The following ARHGAP8 variants were observed in gnomAD, a reference collection of about 807,000 sequenced individuals.
The protein encoded by ARHGAP8 is rho GTPase-activating protein 8.
A neutral mutation model predicts 46.1 loss-of-function variants in ARHGAP8; 62 were observed. The ratio of observed to expected loss-of-function variants is 1.34; its 90% CI spans 1.10 to 1.66. The LOEUF (loss-of-function observed/expected upper bound fraction) is 1.66, where lower values mean the gene tolerates loss of function less well. ARHGAP8 is among the 40% of genes most tolerant of loss of function. The pLI is 0.00. For missense variants in ARHGAP8, 923 were observed against 568.4 expected, an observed-to-expected ratio of 1.62 and a Z score of -6.34; for synonymous variants, 375 against 243.1, an observed-to-expected ratio of 1.54 and a Z score of -5.05.
chr22:44,774,933 T>A (rs132476), intron 1 of ARHGAP8, among the ~76,000 whole-genome samples: 2 of 150,850 alleles, frequency 1.3e-5, no homozygotes, highest in African/African-American at 4.9e-5. Flanking sequence ...TGGGTTCAAG[T>A]GATTCTCCTA....
In ARHGAP8 at chr22:44,862,493, G is replaced by C. The variant is rs41278891; in HGVS notation, c.1200G>C (p.Arg400Ser). 45,899 of 1,613,598 alleles carry C rather than the reference G, an allele frequency of 0.028. 760 individuals carry two copies. The highest frequency in any genetic ancestry group is 0.033 in the Non-Finnish European group (39,147 of 1,179,680). The change falls in exon 12 of 12, where the codon AGG becomes AGC. Residue 400 changes from arginine (R) to serine (S), a missense_variant. Transcript: ENST00000356099. ...HGLAPWEQGS[R>S]AAPLQEAVPR... ...TGGCACCATGGGAACAGGGGAGCAGGGCAGCCCCTTTGCAGGAGGCTGTGC... is the reference window on the plus strand; with the variant it reads ...TGGCACCATGGGAACAGGGGAGCAGCGCAGCCCCTTTGCAGGAGGCTGTGC...
chr22:44,789,839 A>G (rs964642755), intron 2 of ARHGAP8, among the ~76,000 whole-genome samples: 1 of 152,104 alleles, frequency 6.6e-6, no homozygotes, highest in Non-Finnish European at 1.5e-5. Flanking sequence ...CTTGTCTTAA[A>G]GTCCGATTTT....
At chr22:44,845,130 C>G in intron 7 of ARHGAP8, 139 bp from the exon 8 acceptor site, 1 of 979,026 alleles carries the variant, frequency 1.0e-6, no homozygotes, top group Non-Finnish European at 1.5e-6. Flanking sequence ...TTCCTGAGGG[C>G]TGAGCCTACC....
chr22:44,828,150 G>A (rs923935190), intron 7 of ARHGAP8, among the ~76,000 whole-genome samples: 1 of 152,208 alleles, frequency 6.6e-6, no homozygotes, highest in Non-Finnish European at 1.5e-5. Flanking sequence ...CATTTTGTAA[G>A]CACTTTGCCA....
intron 1 of ARHGAP8, among the ~76,000 whole-genome samples, chr22:44,778,467 G>T (rs1037720752): frequency 6.6e-6 from 1 of 152,120 alleles, no homozygotes; most frequent in East Asian, 1.9e-4. Flanking sequence ...TTGCGATTGC[G>T]AATTGTGCTG....
At chr22:44,767,348 C>T (rs132462) in intron 1 of ARHGAP8, among the ~76,000 whole-genome samples, 38,373 of 152,076 alleles carry the variant, frequency 0.25, 5,317 homozygotes, top group Non-Finnish European at 0.32. Flanking sequence ...CTCTCTCTCT[C>T]TCTTTTAGCT....
rs1390191612 is a variant in ARHGAP8 at position 44,805,276 on chromosome 22, C to T, written c.168-3031C>T. Among the ~76,000 whole-genome samples the T allele has an allele frequency of 3.9e-5, 6 of 152,128 alleles. No homozygotes were observed. In the East Asian group the frequency reaches 5.8e-4, roughly 15 times the overall value. On this transcript the variant is annotated intron_variant, in intron 3 of 11. Coordinates refer to ENST00000356099, the MANE Select transcript of ARHGAP8 (RefSeq NM_181335.3). The stretch of plus-strand genomic sequence containing the variant: ...CAAAAGTGCCTGCAAAGACAGAAAG[C>T]GAATTGGTGGTTGCCGGGTACCGGG...
At chr22:44,839,307 G>A (rs912532217) in intron 7 of ARHGAP8, among the ~76,000 whole-genome samples, 2 of 152,192 alleles carry the variant, frequency 1.3e-5, no homozygotes, top group Admixed American at 6.5e-5. Flanking sequence ...GCTGTGGATT[G>A]CTGCTCAGTG....
intron 2 of ARHGAP8, among the ~76,000 whole-genome samples, chr22:44,791,267 C>T (rs1395763939): frequency 1.3e-5 from 2 of 152,104 alleles, no homozygotes; most frequent in Non-Finnish European, 2.9e-5. Context: ...GTGTGCTCCT[C>T]CCGGGGAGTA....
chr22:44,813,127 A>AGTG (rs1929455383), intron 4 of ARHGAP8, among the ~76,000 whole-genome samples: 1 of 152,108 alleles, frequency 6.6e-6, no homozygotes, highest in Non-Finnish European at 1.5e-5. Context: ...CCTGTAGTGG[A>AGTG]GAATGCTATT....
intron 10 of ARHGAP8, among the ~76,000 whole-genome samples, chr22:44,858,579 C>G (rs1316817910): frequency 8.1e-6 from 1 of 124,120 alleles, no homozygotes; most frequent in African/African-American, 3.1e-5. Context: ...CATGTTGGGT[C>G]AGGCTGGTCT....
At chr22:44,816,609 G>A (rs1235520786) in intron 5 of ARHGAP8, among the ~76,000 whole-genome samples, 1 of 151,934 alleles carries the variant, frequency 6.6e-6, no homozygotes, top group East Asian at 1.9e-4. Context: ...GCCCAGGAGT[G>A]TGACCTGGGC....
At chr22:44,853,659 C>T (rs1388890935) in intron 10 of ARHGAP8, among the ~76,000 whole-genome samples, 2 of 152,164 alleles carry the variant, frequency 1.3e-5, no homozygotes, top group African/African-American at 4.8e-5. Context: ...TTAAGTCTAC[C>T]TTGCTAGAAC....
Position 44,849,033 on chromosome 22 carries a change from G to A in ARHGAP8, c.850G>A (p.Ala284Thr), listed in dbSNP as rs139669165. 3 of 1,613,876 alleles carry A rather than the reference G, an allele frequency of 1.9e-6. No individual in the cohort carries two copies. The highest frequency in any genetic ancestry group is 2.5e-6 in the Non-Finnish European group (3 of 1,179,966). The change falls in exon 10 of 12, where the codon GCC (alanine) becomes ACC (threonine). Residue 284 changes from alanine (A) to threonine (T), a missense_variant. Physicochemically the swap from Ala to Thr is moderately conservative, Grantham distance 58 (BLOSUM62 0). Coordinates refer to ENST00000356099, the MANE Select transcript of ARHGAP8 (RefSeq NM_181335.3). ...GCCCCAGCCGCTTCTGACCTTCCAG[G>A]CCTACGAGCAGATTCTCGGGATCAC... ...ELPQPLLTFQ[A>T]YEQILGITCV...
In ARHGAP8 at chr22:44,862,524, A is replaced by T. The variant is rs564457696; in HGVS notation, c.1231A>T (p.Thr411Ser). 1 of 1,611,076 alleles carries T rather than the reference A, an allele frequency of 6.2e-7. No homozygotes were observed. The highest frequency in any genetic ancestry group is 8.5e-7 in the Non-Finnish European group (1 of 1,177,682). Residue 411 changes from threonine to serine, a missense_variant, in exon 12 of 12, where the codon ACA (threonine) becomes TCA (serine). Transcript: ENST00000356099. ...AAPLQEAVPR[T>S]QATGLTKPTL... ...CCCTTTGCAGGAGGCTGTGCCACGG[A>T]CACAAGCCACGGGCCTCACCAAGCC...
In ARHGAP8 at chr22:44,840,994, A is replaced by T. The variant is rs543295132; in HGVS notation, c.597-4275A>T. Among the ~76,000 whole-genome samples the T allele has an allele frequency of 2.0e-5, 3 of 152,290 alleles. No individual in the cohort carries two copies. The South Asian group carries it at 6.2e-4, about 32-fold the overall frequency. On this transcript the variant is annotated intron_variant, in intron 7 of 11. Transcript: ENST00000356099. ...TGCCGTGCCAGGCACTGCCAGCTCCATGGCCCCAAAACTTGGCTCTGCAGG... is the reference window on the plus strand; with the variant it reads ...TGCCGTGCCAGGCACTGCCAGCTCCTTGGCCCCAAAACTTGGCTCTGCAGG...
chr22:44,850,541 C>G (rs544447306), intron 10 of ARHGAP8: 2 of 152,336 alleles, frequency 1.3e-5, no homozygotes, highest in East Asian at 3.9e-4. Context: ...GATGATGACT[C>G]CAGCCTCTGT....
chr22:44,850,899 GGTT>G (rs139891245), intron 10 of ARHGAP8: 11,259 of 150,338 alleles, frequency 0.075, 970 homozygotes, highest in African/African-American at 0.21. Context: ...AGGAGGCAGA[GGTT>G]GTAGTGAGCC....
intron 7 of ARHGAP8, among the ~76,000 whole-genome samples, chr22:44,838,358 G>A (rs903697121): frequency 6.6e-6 from 1 of 152,104 alleles, no homozygotes; most frequent in Non-Finnish European, 1.5e-5. Flanking sequence ...GGCTGGTCTC[G>A]AACTCCTGAC....
Sources: gnomAD v4.1 joint callset for allele counts (sites outside exome capture counted in the v4.1 genomes callset) on GRCh38, gnomAD v4.1.1 for gene constraint, MANE v1.5 for transcripts, NCBI Gene and HGNC (gene_info 2026-07-23, HGNC 2026-07-21) for gene names.